KCND2: variants seen among roughly 807,000 people sequenced by gnomAD.
KCND2 encodes potassium voltage-gated channel subfamily D member 2.
A neutral mutation model predicts 54.4 loss-of-function variants in KCND2; 16 were observed. The ratio of observed to expected loss-of-function variants is 0.29; its 90% CI spans 0.20 to 0.45. The LOEUF is 0.45. Ranked by LOEUF, KCND2 falls within the 20% of genes least tolerant of loss-of-function variation. The pLI, the probability that KCND2 is intolerant of heterozygous loss-of-function variation, is 1.00. For missense variants in KCND2, 486 were observed against 824.2 expected (o/e 0.59, Z 5.02); for synonymous variants, 317 against 310.7 (o/e 1.02, Z -0.21).
At chr7:120,716,376 TTGCTC>T (rs2116086893) in intron 1 of KCND2, among the ~76,000 whole-genome samples, 1 of 152,228 alleles carries the variant, frequency 6.6e-6, no homozygotes, top group East Asian at 1.9e-4. Context: ...ATTAGGTTCT[TTGCTC>T]TCTTCTCCAC....
At chr7:120,558,795 T>C (rs1792196568) in intron 1 of KCND2, among the ~76,000 whole-genome samples, 1 of 152,156 alleles carries the variant, frequency 6.6e-6, no homozygotes, top group African/African-American at 2.4e-5. Flanking sequence ...TTAAAATATC[T>C]ACTCTCCTTG....
At chr7:120,455,352 G>T (rs1802180554) in intron 1 of KCND2, among the ~76,000 whole-genome samples, 1 of 152,060 alleles carries the variant, frequency 6.6e-6, no homozygotes, top group East Asian at 1.9e-4. Context: ...TAGATTAATG[G>T]AACAGAATAG....
intron 1 of KCND2, among the ~76,000 whole-genome samples, chr7:120,586,643 G>C (rs1033398317): frequency 1.3e-5 from 2 of 152,128 alleles, no homozygotes; most frequent in African/African-American, 4.8e-5. Context: ...CACTTTATTA[G>C]TGATTTGCAG....
intron 1 of KCND2, among the ~76,000 whole-genome samples, chr7:120,284,613 T>C (rs1799313616): frequency 6.6e-6 from 1 of 152,164 alleles, no homozygotes; most frequent in African/African-American, 2.4e-5. Context: ...ATTAGAGTCA[T>C]GGAATTTTGA....
At chr7:120,597,200 A>C (rs1412363399) in intron 1 of KCND2, among the ~76,000 whole-genome samples, 1 of 152,198 alleles carries the variant, frequency 6.6e-6, no homozygotes, top group Non-Finnish European at 1.5e-5. Context: ...TAGACAAAAG[A>C]CACTTGACAG....
chr7:120,507,505 T>C (rs905367020), intron 1 of KCND2, among the ~76,000 whole-genome samples: 2 of 151,968 alleles, frequency 1.3e-5, no homozygotes, highest in Non-Finnish European at 2.9e-5. Flanking sequence ...AGCAGAAGTC[T>C]TGAATGTGCA....
At chr7:120,660,910 T>C (rs1228384262) in intron 1 of KCND2, among the ~76,000 whole-genome samples, 1 of 152,230 alleles carries the variant, frequency 6.6e-6, no homozygotes, top group African/African-American at 2.4e-5. Context: ...TTAAGTCCTA[T>C]CTTAAATGAG....
At chr7:120,375,543 C>A (rs751402039) in intron 1 of KCND2, among the ~76,000 whole-genome samples, 14 of 151,772 alleles carry the variant, frequency 9.2e-5, no homozygotes, top group Non-Finnish European at 1.9e-4. Context: ...TATATCAAGG[C>A]TTGATAACTG....
intron 1 of KCND2, among the ~76,000 whole-genome samples, chr7:120,308,154 C>CTTTA (rs1799676827): frequency 6.6e-6 from 1 of 151,978 alleles, no homozygotes. Flanking sequence ...TACTGAAGGG[C>CTTTA]TTTACTAAAG....
chr7:120,402,347 A>G (rs2116083771), intron 1 of KCND2, among the ~76,000 whole-genome samples: 1 of 152,308 alleles, frequency 6.6e-6, no homozygotes, highest in South Asian at 2.1e-4. Context: ...CGGGGAGTAC[A>G]ACGGAATGAT....
At chr7:120,327,352 T>A (rs965477704) in intron 1 of KCND2, among the ~76,000 whole-genome samples, 6 of 152,118 alleles carry the variant, frequency 3.9e-5, no homozygotes, top group African/African-American at 1.4e-4. Flanking sequence ...TAATTATTAC[T>A]AAATTCAGAA....
intron 1 of KCND2, among the ~76,000 whole-genome samples, chr7:120,686,769 C>T (rs1056312384): frequency 1.3e-5 from 2 of 152,050 alleles, no homozygotes; most frequent in Non-Finnish European, 2.9e-5. Context: ...TCTTCCCTTA[C>T]CAGTTGAGTG....
chr7:120,352,491 C>G (rs1045697638), intron 1 of KCND2, among the ~76,000 whole-genome samples: 3 of 148,388 alleles, frequency 2.0e-5, no homozygotes, highest in African/African-American at 7.4e-5. Context: ...CACACACACA[C>G]ACACACAACA....
chr7:120,405,613 T>G (rs28613778), intron 1 of KCND2, among the ~76,000 whole-genome samples: 20,900 of 152,094 alleles, frequency 0.14, 3,198 homozygotes, highest in African/African-American at 0.38. Context: ...CTAAAAGATA[T>G]CATTCACATG....
intron 1 of KCND2, among the ~76,000 whole-genome samples, chr7:120,326,545 G>A (rs1799982209): frequency 6.6e-6 from 1 of 151,962 alleles, no homozygotes; most frequent in South Asian, 2.1e-4. Context: ...TTGTTGAAGG[G>A]AAAATATATT....
intron 1 of KCND2, among the ~76,000 whole-genome samples, chr7:120,349,900 A>G (rs1421443656): frequency 6.6e-6 from 1 of 152,098 alleles, no homozygotes; most frequent in African/African-American, 2.4e-5. Context: ...TTTACTACTT[A>G]TTCTCTTTAG....
intron 1 of KCND2, among the ~76,000 whole-genome samples, chr7:120,570,159 T>A (rs1792344855): frequency 6.6e-6 from 1 of 152,184 alleles, no homozygotes; most frequent in Admixed American, 6.5e-5. Flanking sequence ...ATTAGATGTT[T>A]GCAAATAGAC....
chr7:120,563,124 A>G (rs560040218), intron 1 of KCND2, among the ~76,000 whole-genome samples: 29 of 152,324 alleles, frequency 1.9e-4, no homozygotes, highest in Middle Eastern at 6.8e-3. Context: ...TAATGTTATT[A>G]ACGTTTCTTC....
intron 1 of KCND2, among the ~76,000 whole-genome samples, chr7:120,460,651 G>A (rs1033515760): frequency 6.6e-6 from 1 of 151,260 alleles, no homozygotes; most frequent in African/African-American, 2.4e-5. Flanking sequence ...GTTTAGGGAG[G>A]TAAGTTACGA....
Sources: gnomAD v4.1 joint callset for allele counts (sites outside exome capture counted in the v4.1 genomes callset) on GRCh38, gnomAD v4.1.1 for gene constraint, MANE v1.5 for transcripts, NCBI Gene and HGNC (gene_info 2026-07-23, HGNC 2026-07-21) for gene names.